Variants in PCDHGA1 observed in about 807,000 individuals in gnomAD.
The protein encoded by PCDHGA1 is protocadherin gamma-A1.
Under a neutral mutation model 58.0 loss-of-function variants are expected in PCDHGA1, and 32 were observed. The observed-to-expected ratio is 0.55, with a 90% CI of 0.42 to 0.74. PCDHGA1 has a LOEUF of 0.74. Among genes scored for constraint, PCDHGA1 ranks in the 30% least tolerant of loss-of-function variants. PCDHGA1 has a pLI of 0.00. For missense variants in PCDHGA1, 1,205 were observed against 1,182.3 expected, an observed-to-expected ratio of 1.02 and a Z score of -0.28; for synonymous variants, 498 against 501.1, an observed-to-expected ratio of 0.99 and a Z score of 0.08.
intron 1 of PCDHGA1, chr5:141,355,525 C>T (rs372880202): frequency 6.2e-7 from 1 of 1,614,028 alleles, no homozygotes; most frequent in Non-Finnish European, 8.5e-7. Context: ...CCTGGAGATT[C>T]TTCTAGAAGA....
rs1345224043 is a variant in PCDHGA1, at chr5:141,487,695, C to G, written c.2422-7112C>G. Reference sequence around the variant, plus strand: ...TGGCTAGGCCATGTCCTAGAGAGTACTGGCCTCTCAGTAAGTGCCCATAGT... The same window carrying G: ...TGGCTAGGCCATGTCCTAGAGAGTAGTGGCCTCTCAGTAAGTGCCCATAGT... On this transcript the variant is annotated intron_variant, in intron 1 of 3. Transcript: ENST00000517417. The surrounding 1 kb of genome is among the most constrained non-coding windows in gnomAD (Gnocchi z 5.0). 1 of 1,601,306 alleles carries G rather than the reference C, an allele frequency of 6.2e-7. No individual in the cohort carries two copies.
intron 1 of PCDHGA1, chr5:141,422,106 C>T: frequency 6.2e-7 from 1 of 1,607,266 alleles, no homozygotes; most frequent in Non-Finnish European, 8.5e-7. Flanking sequence ...CTGAAATATT[C>T]CAATTGGATT....
intron 1 of PCDHGA1, chr5:141,376,461 T>C: frequency 1.2e-6 from 2 of 1,614,210 alleles, no homozygotes; most frequent in South Asian, 1.1e-5. Flanking sequence ...CCTCTTCTGA[T>C]AACTCAGGAT....
In PCDHGA1 at chr5:141,345,903, G is replaced by C; in HGVS notation, c.2421+12798G>C. On this transcript the variant is annotated intron_variant, in intron 1 of 3. Transcript: ENST00000517417. ...ACTCTTCTCGGTGGGTCTGCACACG[G>C]GCGAGGTGCGCACGGCGCGAGCCCT... 3 of 1,612,142 alleles carry C rather than the reference G, an allele frequency of 1.9e-6. No homozygotes were observed. The East Asian group carries it at 6.7e-5, about 36-fold the overall frequency.
At chr5:141,390,003 C>T in intron 1 of PCDHGA1, 1 of 1,614,056 alleles carries the variant, frequency 6.2e-7, no homozygotes, top group Non-Finnish European at 8.5e-7. Flanking sequence ...GGCCATGATT[C>T]TGGCCATTGC....
chr5:141,385,276 A>G (rs1315773619), intron 1 of PCDHGA1: 1 of 1,613,564 alleles, frequency 6.2e-7, no homozygotes, highest in Admixed American at 1.7e-5. Flanking sequence ...TTCTTTGCTA[A>G]CATCCGTAGA....
At chr5:141,423,313 G>A (rs1407028245) in intron 1 of PCDHGA1, 3 of 1,614,184 alleles carry the variant, frequency 1.9e-6, no homozygotes, top group Non-Finnish European at 1.7e-6. Context: ...GTACTTGGTG[G>A]TGGCGGTGGC....
Position 141,332,549 on chromosome 5 carries a change from A to G in PCDHGA1, c.1865A>G (p.His622Arg), listed in dbSNP as rs1181346971. ...SEPGLFSVGL[H>R]TGEVRTARAL... The stretch of plus-strand genomic sequence containing the variant: ...CCGGGACTCTTCTCGGTGGGTCTGC[A>G]CACGGGCGAGGTGCGCACGGCGCGA... Residue 622 changes from histidine to arginine, a missense_variant, in exon 1 of 4, where the codon CAC becomes CGC. Coordinates refer to ENST00000517417, the MANE Select transcript of PCDHGA1 (RefSeq NM_018912.3). The surrounding 1 kb of genome is among the most constrained non-coding windows in gnomAD (Gnocchi z 4.6). 1 of 1,611,694 alleles carries G rather than the reference A, an allele frequency of 6.2e-7. No homozygotes were observed. The highest frequency in any genetic ancestry group is 8.5e-7 in the Non-Finnish European group (1 of 1,179,544).
chr5:141,372,338 T>C, intron 1 of PCDHGA1: 1 of 1,613,820 alleles, frequency 6.2e-7, no homozygotes, highest in Non-Finnish European at 8.5e-7. Context: ...CTGTGCGTGA[T>C]GGAGGACAGC....
intron 1 of PCDHGA1, chr5:141,356,921 G>T (rs767463186): frequency 6.2e-7 from 1 of 1,613,978 alleles, no homozygotes; most frequent in Non-Finnish European, 8.5e-7. Context: ...GGCTCCACTG[G>T]TGTGGAGCTG....
In PCDHGA1 at chr5:141,423,512, C is replaced by T. The variant is rs765694240; in HGVS notation, c.2422-71295C>T. 55 of 1,613,552 alleles carry T rather than the reference C, an allele frequency of 3.4e-5. No individual in the cohort carries two copies. The highest frequency in any genetic ancestry group is 2.8e-4 in the African/African-American group (21 of 74,924). On this transcript the variant is annotated intron_variant, in intron 1 of 3. Coordinates refer to ENST00000517417, the MANE Select transcript of PCDHGA1 (RefSeq NM_018912.3). ...TATTCCCACGAGGTCTCTCTCATTGCGGACTCGCAGAAGAGTCACCTGATT... is the reference window on the plus strand; with the variant it reads ...TATTCCCACGAGGTCTCTCTCATTGTGGACTCGCAGAAGAGTCACCTGATT...
chr5:141,464,913 A>AT (rs1366203949), intron 1 of PCDHGA1, among the ~76,000 whole-genome samples: 2 of 151,546 alleles, frequency 1.3e-5, no homozygotes, highest in South Asian at 4.2e-4. Flanking sequence ...TAATTTTTTT[A>AT]TTTTTTTGTA....
At position 141,432,266 on chromosome 5, in the gene PCDHGA1, T is replaced by A. The variant is rs1444077446; in HGVS notation, c.2422-62541T>A. The A allele has an allele frequency of 9.3e-6, 15 of 1,614,096 alleles. No individual in the cohort carries two copies. Among genetic ancestry groups the A allele is most frequent in the Admixed American group, 3.3e-5 (2 of 60,010 alleles). The stretch of plus-strand genomic sequence containing the variant: ...CACCATCCAAGGGGCAAGCCTATCG[T>A]CCTACGTGTCCATCAACTCCGACAC... On this transcript the variant is annotated intron_variant, in intron 1 of 3. Transcript: ENST00000517417. The surrounding 1 kb of genome is among the most constrained non-coding windows in gnomAD (Gnocchi z 6.0).
chr5:141,471,906 G>A (rs1376234079), intron 1 of PCDHGA1, among the ~76,000 whole-genome samples: 2 of 152,192 alleles, frequency 1.3e-5, no homozygotes, highest in African/African-American at 4.8e-5. Context: ...CTACAGACAA[G>A]CATGAGGGAA....
At chr5:141,502,488 T>A (rs1273845698) in intron 2 of PCDHGA1, among the ~76,000 whole-genome samples, 1 of 152,236 alleles carries the variant, frequency 6.6e-6, no homozygotes, top group Non-Finnish European at 1.5e-5. Context: ...ACACTGGGAC[T>A]CATCTAACGT....
intron 1 of PCDHGA1, chr5:141,427,774 G>C: frequency 7.0e-7 from 1 of 1,420,908 alleles, no homozygotes; most frequent in Non-Finnish European, 9.8e-7. Context: ...TTGGAGCTGC[G>C]GGCACTGTCG....
intron 1 of PCDHGA1, among the ~76,000 whole-genome samples, chr5:141,397,036 T>G (rs2093467467): frequency 2.0e-5 from 3 of 152,222 alleles, no homozygotes. Context: ...TGTCCACAAA[T>G]TTATGTAAAT....
intron 1 of PCDHGA1, chr5:141,405,642 T>C (rs2094697537): frequency 1.9e-6 from 1 of 528,606 alleles, no homozygotes; most frequent in Non-Finnish European, 3.3e-6. Flanking sequence ...GCCCGGCTAA[T>C]TTTTTGTGTG....
chr5:141,339,885 A>G (rs754079141), intron 1 of PCDHGA1: 1 of 1,614,168 alleles, frequency 6.2e-7, no homozygotes, highest in South Asian at 1.1e-5. Flanking sequence ...ACAATCATAA[A>G]AGATCTAGAT....
Sources: allele counts gnomAD v4.1 joint callset (sites outside exome capture counted in the v4.1 genomes callset), GRCh38; gene constraint gnomAD v4.1.1; non-coding constraint Gnocchi (gnomAD v3.1); transcripts MANE v1.5; gene names NCBI Gene and HGNC (gene_info 2026-07-23, HGNC 2026-07-21).